GALNTL6: variants seen among roughly 807,000 people sequenced by gnomAD.
GALNTL6 encodes the protein polypeptide N-acetylgalactosaminyltransferase-like 6.
GALNTL6 carries 46 observed loss-of-function variants against 73.7 expected under a neutral mutation model. The ratio of observed to expected loss-of-function variants is 0.62; its 90% CI spans 0.49 to 0.80. GALNTL6 has a LOEUF of 0.80. Ranked by LOEUF, GALNTL6 falls within the 30% of genes least tolerant of loss-of-function variation. The pLI, the probability that GALNTL6 is intolerant of heterozygous loss-of-function variation, is 0.00. For missense variants in GALNTL6, 604 were observed against 755.0 expected (o/e 0.80, Z 2.34); for synonymous variants, 259 against 263.7 (o/e 0.98, Z 0.17).
intron 5 of GALNTL6, among the ~76,000 whole-genome samples, chr4:172,357,373 T>A (rs1742195827): frequency 2.0e-5 from 3 of 152,036 alleles, no homozygotes. Flanking sequence ...CTGCTTTCCT[T>A]TACCCAAACC....
chr4:172,061,823 T>G (rs549856103), intron 2 of GALNTL6, among the ~76,000 whole-genome samples: 1 of 152,250 alleles, frequency 6.6e-6, no homozygotes, highest in African/African-American at 2.4e-5. Flanking sequence ...GCATCCACCC[T>G]GAACGTTCTC....
chr4:172,694,508 G>A (rs1265125556), intron 5 of GALNTL6, among the ~76,000 whole-genome samples: 4 of 152,194 alleles, frequency 2.6e-5, no homozygotes, highest in Non-Finnish European at 5.9e-5. Flanking sequence ...GTATTCCGTG[G>A]TGTATATATG....
chr4:172,118,257 C>T (rs973157270), intron 2 of GALNTL6, among the ~76,000 whole-genome samples: 2 of 151,964 alleles, frequency 1.3e-5, no homozygotes, highest in Admixed American at 6.6e-5. Context: ...TTTTAAAAAG[C>T]CATTTCAAGT....
intron 2 of GALNTL6, among the ~76,000 whole-genome samples, chr4:171,959,882 C>T (rs1190892597): frequency 6.6e-6 from 1 of 152,158 alleles, no homozygotes; most frequent in Non-Finnish European, 1.5e-5. Context: ...AAACCAAAGG[C>T]CATTTTAGAA....
At chr4:172,766,742 A>T (rs1300328902) in intron 5 of GALNTL6, among the ~76,000 whole-genome samples, 1 of 152,236 alleles carries the variant, frequency 6.6e-6, no homozygotes, top group African/African-American at 2.4e-5. Flanking sequence ...TTTTTCTGTC[A>T]AGGAAAGGAT....
At chr4:172,257,106 C>A (rs1175239429) in intron 3 of GALNTL6, among the ~76,000 whole-genome samples, 1 of 151,246 alleles carries the variant, frequency 6.6e-6, no homozygotes, top group Non-Finnish European at 1.5e-5. Flanking sequence ...GTGAATAGGG[C>A]AAGTTTTTCA....
At chr4:172,453,458 T>A (rs1197438910) in intron 5 of GALNTL6, among the ~76,000 whole-genome samples, 1 of 152,276 alleles carries the variant, frequency 6.6e-6, no homozygotes, top group East Asian at 1.9e-4. Flanking sequence ...ACCATTAGGG[T>A]TTAAAGCTGA....
At chr4:171,906,804 G>C (rs1439607075) in intron 2 of GALNTL6, among the ~76,000 whole-genome samples, 2 of 152,106 alleles carry the variant, frequency 1.3e-5, no homozygotes, top group African/African-American at 4.8e-5. Context: ...CCATCATCAA[G>C]TGGGCTTCAT....
At chr4:172,613,999 A>G (rs1474251066) in intron 5 of GALNTL6, among the ~76,000 whole-genome samples, 2 of 152,138 alleles carry the variant, frequency 1.3e-5, no homozygotes, top group East Asian at 3.9e-4. Flanking sequence ...AATTATATTC[A>G]TTTATAGTCT....
intron 5 of GALNTL6, among the ~76,000 whole-genome samples, chr4:172,603,639 A>T (rs1738150334): frequency 6.6e-6 from 1 of 152,236 alleles, no homozygotes; most frequent in African/African-American, 2.4e-5. Context: ...ACTTAATGGT[A>T]TCTATAGGAT....
intron 7 of GALNTL6, among the ~76,000 whole-genome samples, chr4:172,855,196 G>A (rs201464788): frequency 1.6e-4 from 22 of 138,886 alleles, no homozygotes; most frequent in African/African-American, 4.5e-4. Context: ...ACTTTGAGGT[G>A]AAAAAAAAAA....
chr4:172,065,109 C>T (rs1041412414), intron 2 of GALNTL6, among the ~76,000 whole-genome samples: 2 of 151,778 alleles, frequency 1.3e-5, no homozygotes, highest in African/African-American at 4.8e-5. Context: ...ATCAGCAGTC[C>T]CCAACCTTTT....
intron 7 of GALNTL6, among the ~76,000 whole-genome samples, chr4:172,827,926 G>T (rs1029336946): frequency 2.6e-5 from 4 of 151,884 alleles, no homozygotes; most frequent in African/African-American, 4.8e-5. Context: ...GCAGCCTTCT[G>T]CTTGCACTTT....
chr4:172,076,978 C>G (rs924749146), intron 2 of GALNTL6, among the ~76,000 whole-genome samples: 1 of 152,152 alleles, frequency 6.6e-6, no homozygotes, highest in Non-Finnish European at 1.5e-5. Flanking sequence ...TATGGCACTT[C>G]CCTTTGCTTT....
intron 10 of GALNTL6, among the ~76,000 whole-genome samples, chr4:172,986,752 G>A (rs1382454325): frequency 2.0e-5 from 3 of 152,064 alleles, no homozygotes; most frequent in Non-Finnish European, 4.4e-5. Flanking sequence ...TTAATGTTAG[G>A]CACAATCTAT....
chr4:172,634,389 C>G (rs1169405237), intron 5 of GALNTL6, among the ~76,000 whole-genome samples: 1 of 151,990 alleles, frequency 6.6e-6, no homozygotes, highest in Non-Finnish European at 1.5e-5. Flanking sequence ...TTCATCTTTA[C>G]CTGAACACCT....
chr4:172,633,297 A>G (rs1233050281), intron 5 of GALNTL6, among the ~76,000 whole-genome samples: 1 of 152,248 alleles, frequency 6.6e-6, no homozygotes, highest in African/African-American at 2.4e-5. Flanking sequence ...GCAAAGCCAC[A>G]GGGCAGAGCT....
At chr4:171,889,555 G>T (rs1027701886) in intron 2 of GALNTL6, among the ~76,000 whole-genome samples, 4 of 152,042 alleles carry the variant, frequency 2.6e-5, no homozygotes, top group Admixed American at 2.6e-4. Context: ...TTACATTTCT[G>T]AAGATTACTC....
intron 7 of GALNTL6, among the ~76,000 whole-genome samples, chr4:172,844,404 A>G (rs1418138842): frequency 2.0e-5 from 3 of 152,218 alleles, no homozygotes; most frequent in Admixed American, 1.3e-4. Context: ...TCAGAGACTA[A>G]GTTATTGCTC....
Sources: gnomAD v4.1 joint callset for allele counts (sites outside exome capture counted in the v4.1 genomes callset) on GRCh38, gnomAD v4.1.1 for gene constraint, MANE v1.5 for transcripts, NCBI Gene and HGNC (gene_info 2026-07-23, HGNC 2026-07-21) for gene names.